FMN2: variants seen among roughly 807,000 people sequenced by gnomAD.
FMN2 encodes the protein formin-2.
In FMN2, 51 loss-of-function variants were observed where a neutral mutation model predicts 142.3. The observed-to-expected ratio is 0.36, with a 90% confidence interval of 0.29 to 0.45. FMN2 has a LOEUF of 0.45. Among genes scored for constraint, FMN2 ranks in the 20% least tolerant of loss-of-function variants. FMN2 has a pLI of 1.00. For synonymous variants in FMN2, 882 were observed against 869.8 expected (o/e 1.01, Z -0.25); for missense variants, 1,936 against 2,122.8 (o/e 0.91, Z 1.73).
chr1:240,264,251 A>G (rs1183007976), intron 7 of FMN2, among the ~76,000 whole-genome samples: 1 of 152,126 alleles, frequency 6.6e-6, no homozygotes, highest in Non-Finnish European at 1.5e-5. Flanking sequence ...TCCTCCCTCA[A>G]AAGGGTCCAA....
intron 2 of FMN2, among the ~76,000 whole-genome samples, chr1:240,177,289 T>C (rs1664956854): frequency 6.6e-6 from 1 of 152,116 alleles, no homozygotes; most frequent in South Asian, 2.1e-4. Flanking sequence ...CTAGCTGCTT[T>C]CTCATTCTGT....
intron 2 of FMN2, among the ~76,000 whole-genome samples, chr1:240,135,716 T>G (rs1000202465): frequency 7.3e-5 from 11 of 151,058 alleles, no homozygotes; most frequent in Non-Finnish European, 8.9e-5. Flanking sequence ...AGTCTCACTC[T>G]GTCACCCAGT....
chr1:240,204,792 A>T (rs1052225385), intron 4 of FMN2, among the ~76,000 whole-genome samples: 1 of 152,146 alleles, frequency 6.6e-6, no homozygotes, highest in Non-Finnish European at 1.5e-5. Context: ...GATGGGGGGA[A>T]AAAGGTGCCC....
intron 14 of FMN2, among the ~76,000 whole-genome samples, chr1:240,374,667 C>T (rs1389022795): frequency 6.6e-6 from 1 of 152,156 alleles, no homozygotes; most frequent in Non-Finnish European, 1.5e-5. Context: ...GAGGCATTGG[C>T]TTAAGAGAAT....
intron 8 of FMN2, among the ~76,000 whole-genome samples, chr1:240,309,766 C>T (rs562442739): frequency 4.5e-4 from 68 of 152,190 alleles, no homozygotes; most frequent in African/African-American, 1.6e-3. Context: ...CTGCTGAGTC[C>T]AGTCCGTTAT....
chr1:240,362,757 G>GT (rs902650755), intron 14 of FMN2, among the ~76,000 whole-genome samples: 7 of 152,100 alleles, frequency 4.6e-5, no homozygotes, highest in Middle Eastern at 3.4e-3. Context: ...AAGCTCAACT[G>GT]TTTTTTTGGA....
chr1:240,146,300 A>G (rs1302394436), intron 2 of FMN2, among the ~76,000 whole-genome samples: 4 of 150,290 alleles, frequency 2.7e-5, no homozygotes, highest in Non-Finnish European at 4.4e-5. Context: ...AGGCTGAGGC[A>G]GGAGAATTGC....
At chr1:240,151,195 C>T (rs1052960273) in intron 2 of FMN2, among the ~76,000 whole-genome samples, 5 of 152,142 alleles carry the variant, frequency 3.3e-5, no homozygotes, top group Admixed American at 1.3e-4. Context: ...TGAAGGCCTA[C>T]CTCATTTTTA....
intron 4 of FMN2, among the ~76,000 whole-genome samples, chr1:240,195,771 A>C (rs1241554850): frequency 6.6e-6 from 1 of 152,168 alleles, no homozygotes; most frequent in African/African-American, 2.4e-5. Flanking sequence ...AAATTCTAGC[A>C]CTTTGGGAGG....
intron 6 of FMN2, among the ~76,000 whole-genome samples, chr1:240,242,118 G>T (rs984866293): frequency 3.3e-5 from 5 of 151,944 alleles, no homozygotes; most frequent in African/African-American, 9.7e-5. Flanking sequence ...GTGCTGGGAT[G>T]ACAGGCGTGA....
intron 6 of FMN2, among the ~76,000 whole-genome samples, chr1:240,231,385 TGAA>T (rs140344478): frequency 0.032 from 3,192 of 98,502 alleles, 919 homozygotes; most frequent in African/African-American, 0.13. Context: ...AAAATGCAGA[TGAA>T]GAAGATCAAA....
chr1:240,325,377 G>A (rs1302126464), intron 8 of FMN2, among the ~76,000 whole-genome samples: 2 of 150,488 alleles, frequency 1.3e-5, no homozygotes, highest in Non-Finnish European at 3.0e-5. Flanking sequence ...GATAAGGAAG[G>A]CTTCATTTGG....
chr1:240,301,891 G>A (rs75665721), intron 8 of FMN2, among the ~76,000 whole-genome samples: 1,621 of 144,668 alleles, frequency 0.011, 29 homozygotes, highest in African/African-American at 0.041. Flanking sequence ...GATTATAATT[G>A]TGATTTTTCA....
At chr1:240,197,112 C>A (rs976076678) in intron 4 of FMN2, among the ~76,000 whole-genome samples, 1 of 152,064 alleles carries the variant, frequency 6.6e-6, no homozygotes, top group Non-Finnish European at 1.5e-5. Context: ...TCTGCCCCAC[C>A]CCCCAGCCTC....
rs141043862 is a variant in FMN2, at chr1:240,188,234, C to T, written c.1958C>T (p.Pro653Leu). ...TESQSAVSET[P>L]QKRSDAVQKE... ...TCTCAATCTGCTGTTTCAGAAACTCCCCAAAAACGCTCAGATGCTGTCCAG... is the reference window on the plus strand; with the variant it reads ...TCTCAATCTGCTGTTTCAGAAACTCTCCAAAAACGCTCAGATGCTGTCCAG... Residue 653 changes from proline to leucine, a missense_variant, in exon 4 of 18, where the codon CCC becomes CTC. Pro to Leu is a moderately conservative substitution (Grantham distance 98, BLOSUM62 -3). Coordinates refer to ENST00000319653, the MANE Select transcript of FMN2 (RefSeq NM_020066.5). 1,044 of 1,613,750 alleles carry T rather than the reference C, an allele frequency of 6.5e-4. 2 individuals are homozygous for T. The highest frequency in any genetic ancestry group is 8.2e-4 in the Non-Finnish European group (971 of 1,179,866).
intron 16 of FMN2, among the ~76,000 whole-genome samples, chr1:240,441,050 G>A (rs9728590): frequency 0.74 from 110,009 of 148,576 alleles, 41,269 homozygotes; most frequent in African/African-American, 0.86. Context: ...ACTGGAGTGC[G>A]GTGGCGCGAT....
chr1:240,310,781 G>A (rs1431357014), intron 8 of FMN2, among the ~76,000 whole-genome samples: 1 of 152,156 alleles, frequency 6.6e-6, no homozygotes, highest in Non-Finnish European at 1.5e-5. Flanking sequence ...GAATGAGGGA[G>A]CAGATGAGGA....
chr1:240,164,802 T>C (rs775031671), intron 2 of FMN2, among the ~76,000 whole-genome samples: 4 of 152,216 alleles, frequency 2.6e-5, no homozygotes, highest in Non-Finnish European at 5.9e-5. Context: ...ATAGCATTTA[T>C]AGGGCTTTGA....
chr1:240,295,441 A>G (rs186085146), intron 8 of FMN2, among the ~76,000 whole-genome samples: 2 of 151,798 alleles, frequency 1.3e-5, no homozygotes, highest in Admixed American at 1.3e-4. Flanking sequence ...ATATCTCCCT[A>G]TTTTCCTACC....
Sources: gnomAD v4.1 joint callset for allele counts (sites outside exome capture counted in the v4.1 genomes callset) on GRCh38, gnomAD v4.1.1 for gene constraint, MANE v1.5 for transcripts, NCBI Gene and HGNC (gene_info 2026-07-23, HGNC 2026-07-21) for gene names.